The following FOXN3 variants were observed in gnomAD, a reference collection of about 807,000 sequenced individuals.
The protein encoded by FOXN3 is forkhead box protein N3.
Under a neutral mutation model 38.4 loss-of-function variants are expected in FOXN3, and 7 were observed. The ratio of observed to expected loss-of-function variants is 0.18; its 90% CI spans 0.10 to 0.34. The LOEUF is 0.34. Among genes scored for constraint, FOXN3 ranks in the 10% least tolerant of loss-of-function variants. The pLI is 1.00. For synonymous variants in FOXN3, 230 were observed against 242.2 expected, an observed-to-expected ratio of 0.95 and a Z score of 0.47; for missense variants, 456 against 613.4, an observed-to-expected ratio of 0.74 and a Z score of 2.71.
intron 1 of FOXN3, among the ~76,000 whole-genome samples, chr14:89,527,224 T>TA (rs1215302098): frequency 9.2e-5 from 14 of 152,104 alleles, no homozygotes; most frequent in Non-Finnish European, 1.8e-4. Context: ...TTGTACCATA[T>TA]AAAAAATGAA....
intron 4 of FOXN3, among the ~76,000 whole-genome samples, chr14:89,272,500 A>G (rs1370476628): frequency 2.6e-5 from 4 of 152,194 alleles, no homozygotes; most frequent in African/African-American, 9.7e-5. Context: ...AAGACATATT[A>G]TTTTGGTAAC....
intron 1 of FOXN3, among the ~76,000 whole-genome samples, chr14:89,616,258 C>T (rs938501872): frequency 2.2e-4 from 34 of 152,154 alleles, no homozygotes; most frequent in African/African-American, 8.0e-4. Context: ...TTATAGTCCT[C>T]ATGGAAATCA....
chr14:89,541,350 T>C (rs1894787883), intron 1 of FOXN3, among the ~76,000 whole-genome samples: 1 of 152,100 alleles, frequency 6.6e-6, no homozygotes, highest in South Asian at 2.1e-4. Context: ...CAGCACAAGA[T>C]ACAGGTCACA....
chr14:89,253,688 A>G (rs7152783), intron 4 of FOXN3, among the ~76,000 whole-genome samples: 96,292 of 151,902 alleles, frequency 0.63, 30,722 homozygotes, highest in Middle Eastern at 0.7. Context: ...TATGTGTCTA[A>G]GGCCTTCTAA....
At chr14:89,288,678 C>T (rs1219158694) in intron 3 of FOXN3, among the ~76,000 whole-genome samples, 2 of 60,284 alleles carry the variant, frequency 3.3e-5, no homozygotes, top group African/African-American at 6.8e-5. Flanking sequence ...CTTTCTCTCT[C>T]TCTCTCTCTC....
At chr14:89,200,773 C>T (rs1169468305) in intron 4 of FOXN3, among the ~76,000 whole-genome samples, 1 of 152,208 alleles carries the variant, frequency 6.6e-6, no homozygotes, top group African/African-American at 2.4e-5. Context: ...TTTGACAAGA[C>T]ACTGCCATCC....
intron 4 of FOXN3, among the ~76,000 whole-genome samples, chr14:89,254,935 C>A (rs951500792): frequency 7.7e-4 from 117 of 152,340 alleles, no homozygotes; most frequent in African/African-American, 2.7e-3. Flanking sequence ...TAGCAGAGAT[C>A]TGCAGGAAAG....
chr14:89,165,761 C>T (rs568160096), intron 5 of FOXN3, among the ~76,000 whole-genome samples: 1 of 152,314 alleles, frequency 6.6e-6, no homozygotes, highest in African/African-American at 2.4e-5. Flanking sequence ...TTGTATGGTC[C>T]TTTTAATTTT....
At chr14:89,216,376 G>A (rs1281734572) in intron 4 of FOXN3, among the ~76,000 whole-genome samples, 3 of 152,066 alleles carry the variant, frequency 2.0e-5, no homozygotes, top group Non-Finnish European at 2.9e-5. Context: ...AAAATGTCTC[G>A]GCAGGTAAGG....
intron 2 of FOXN3, among the ~76,000 whole-genome samples, chr14:89,377,758 T>C (rs1890527030): frequency 6.6e-6 from 1 of 152,212 alleles, no homozygotes; most frequent in South Asian, 2.1e-4. Context: ...AACTCGTATG[T>C]TGAAACCAAT....
intron 3 of FOXN3, among the ~76,000 whole-genome samples, chr14:89,299,656 C>T (rs982175693): frequency 1.3e-5 from 2 of 152,188 alleles, no homozygotes; most frequent in Non-Finnish European, 2.9e-5. Context: ...CTACACCTCC[C>T]ACTTTGGCCG....
intron 4 of FOXN3, among the ~76,000 whole-genome samples, chr14:89,199,503 T>C (rs1289849046): frequency 2.0e-5 from 3 of 152,118 alleles, no homozygotes; most frequent in East Asian, 3.9e-4. Context: ...AAAGCAATGA[T>C]TAAGCAAACT....
chr14:89,453,980 C>T (rs1892670314), intron 1 of FOXN3, among the ~76,000 whole-genome samples: 1 of 150,356 alleles, frequency 6.7e-6, no homozygotes, highest in African/African-American at 2.5e-5. Flanking sequence ...GGGTGGGGTC[C>T]CCAAGATGAA....
At chr14:89,251,796 A>AT (rs1885464265) in intron 4 of FOXN3, among the ~76,000 whole-genome samples, 2 of 152,218 alleles carry the variant, frequency 1.3e-5, no homozygotes, top group South Asian at 4.1e-4. Context: ...ATAACTTGGC[A>AT]TATTTACAGA....
At chr14:89,477,843 C>A (rs1004134318) in intron 1 of FOXN3, among the ~76,000 whole-genome samples, 1 of 151,820 alleles carries the variant, frequency 6.6e-6, no homozygotes, top group East Asian at 1.9e-4. Context: ...TTATGGCAAT[C>A]GTGATAATGT....
At position 89,216,600 on chromosome 14, in the gene FOXN3, C is replaced by T. The variant is rs116616436; in HGVS notation, c.746-35794G>A. Among the ~76,000 whole-genome samples the T allele has an allele frequency of 4.9e-3, 741 of 152,298 alleles. 8 individuals are homozygous for T. Among genetic ancestry groups the T allele is most frequent in the African/African-American group, 0.017 (713 of 41,562 alleles). On this transcript the variant is annotated intron_variant, in intron 4 of 5. Transcript: ENST00000557258. ...TTCTAAGCTTCTGTAGGCTCTTCTC[C>T]ATCCTTCAAGATGGTCCAACTCTGC...
At chr14:89,429,758 C>T (rs1473838363) in intron 1 of FOXN3, among the ~76,000 whole-genome samples, 2 of 152,180 alleles carry the variant, frequency 1.3e-5, no homozygotes, top group Admixed American at 1.3e-4. Context: ...ATGACAACCA[C>T]AAAACTCATT....
chr14:89,210,571 C>T (rs929084776), intron 4 of FOXN3, among the ~76,000 whole-genome samples: 2 of 152,178 alleles, frequency 1.3e-5, no homozygotes, highest in Non-Finnish European at 2.9e-5. Flanking sequence ...CTTTGCTGCT[C>T]AGTAAATCAG....
chr14:89,284,807 G>A lies in FOXN3; in HGVS notation c.681-3793C>T, dbSNP rs1886569311. Among the ~76,000 whole-genome samples, 3 of 152,184 alleles carry A rather than the reference G, an allele frequency of 2.0e-5. No homozygotes were observed. In the South Asian group the frequency reaches 6.2e-4, roughly 32 times the overall value. On this transcript the variant is annotated intron_variant, in intron 3 of 5. Transcript: ENST00000557258. The stretch of plus-strand genomic sequence containing the variant: ...AGGTGGAGTGCGACCTGGCATTTGA[G>A]AACATTGATCCAGCTGATCGTTAAG...
Sources: gnomAD v4.1 joint callset for allele counts (sites outside exome capture counted in the v4.1 genomes callset) on GRCh38, gnomAD v4.1.1 for gene constraint, MANE v1.5 for transcripts, NCBI Gene and HGNC (gene_info 2026-07-23, HGNC 2026-07-21) for gene names.